Variants in PPM1L observed in about 807,000 individuals in gnomAD.
PPM1L encodes the protein protein phosphatase, Mg2+/Mn2+ dependent 1L.
PPM1L carries 13 observed loss-of-function variants against 31.4 expected under a neutral mutation model. The ratio of observed to expected loss-of-function variants is 0.41; its 90% CI spans 0.27 to 0.66. PPM1L has a LOEUF of 0.66. Ranked by LOEUF, PPM1L falls within the 30% of genes least tolerant of loss-of-function variation. PPM1L has a pLI of 0.29. For missense variants in PPM1L, 326 were observed against 453.7 expected, an observed-to-expected ratio of 0.72 and a Z score of 2.56; for synonymous variants, 184 against 175.4, an observed-to-expected ratio of 1.05 and a Z score of -0.39.
chr3:161,076,072 C>T lies in PPM1L; in HGVS notation c.*6915C>T, dbSNP rs1479796044. The T allele has an allele frequency of 6.6e-6, 1 of 152,140 alleles. No individual in the cohort carries two copies. The highest frequency in any genetic ancestry group is 1.5e-5 in the Non-Finnish European group (1 of 68,032). The allele number at this position is 152,140 out of a possible 1,614,324, so 9.4% of individuals were successfully genotyped here. On this transcript the variant is annotated 3_prime_UTR_variant, in exon 4 of 4. Transcript: ENST00000498165. Reference sequence around the variant, plus strand: ...TTTACGACAGACAATTTCACAAAAACCAACCACAGAGTGATTTGATATTCT... The same window carrying T: ...TTTACGACAGACAATTTCACAAAAATCAACCACAGAGTGATTTGATATTCT...
chr3:161,065,665 TAGAG>T, intron 3 of PPM1L, 101 bp downstream of exon 3: 1 of 1,049,318 alleles, frequency 9.5e-7, no homozygotes, highest in Non-Finnish European at 1.4e-6. Context: ...TATGCAGTAT[TAGAG>T]AGGCTGCTAC....
At chr3:160,870,132 A>C (rs1409846181) in intron 1 of PPM1L, among the ~76,000 whole-genome samples, 1 of 152,092 alleles carries the variant, frequency 6.6e-6, no homozygotes, top group Non-Finnish European at 1.5e-5. Context: ...GTGTGGGGGT[A>C]GGGGAGGAGG....
intron 1 of PPM1L, among the ~76,000 whole-genome samples, chr3:160,945,740 A>G (rs1020280897): frequency 6.6e-6 from 1 of 152,054 alleles, no homozygotes; most frequent in Non-Finnish European, 1.5e-5. Context: ...GCCTCTGTCA[A>G]TCCTAAGACA....
At chr3:160,966,858 C>T (rs1716163299) in intron 2 of PPM1L, among the ~76,000 whole-genome samples, 1 of 42,060 alleles carries the variant, frequency 2.4e-5, no homozygotes, top group South Asian at 4.6e-4. Flanking sequence ...TGTTGAACTT[C>T]ACAATAGTGA....
intron 1 of PPM1L, among the ~76,000 whole-genome samples, chr3:160,911,252 G>T (rs1713962811): frequency 6.6e-6 from 1 of 152,174 alleles, no homozygotes; most frequent in South Asian, 2.1e-4. Flanking sequence ...ATGTGTTCTT[G>T]GTAGAAGTAT....
chr3:160,976,198 C>G (rs1324080150), intron 2 of PPM1L, among the ~76,000 whole-genome samples: 1 of 132,100 alleles, frequency 7.6e-6, no homozygotes, highest in East Asian at 2.5e-4. Context: ...ATATATTGAA[C>G]CAGCCTTGCA....
Position 160,897,514 on chromosome 3 carries a change from A to G in PPM1L, c.400-64222A>G, listed in dbSNP as rs560585401. On this transcript the variant is annotated intron_variant, in intron 1 of 3. Coordinates refer to ENST00000498165, the MANE Select transcript of PPM1L (RefSeq NM_139245.4). ...TTAACCTTAATTCTAACATAAATGA[A>G]TGTGGAATACCGCAAAGAGACCAAA... is the stretch of plus-strand genomic sequence containing the variant. Among the ~76,000 whole-genome samples, 3 of 152,332 alleles carry G rather than the reference A, an allele frequency of 2.0e-5. No individual in the cohort carries two copies. The East Asian group carries it at 5.8e-4, about 29-fold the overall frequency.
Position 160,756,778 on chromosome 3 carries a change from T to TGTGTGA in PPM1L, c.399+76_399+77insAGTGTG. On this transcript the variant is annotated intron_variant, in intron 1 of 3. Coordinates refer to ENST00000498165, the MANE Select transcript of PPM1L (RefSeq NM_139245.4). This position sits in a 1 kb window ranked among gnomAD's most constrained non-coding sequence, Gnocchi z 6.2. ...GTGTGTGTGTGTGTGTGTGTGTGTG[T>TGTGTGA]GTGTGTGTGTGTATAAACAACAGGA... 7.0e-7 allele frequency: 1 copy of TGTGTGA among 1,420,744 alleles called. No individual in the cohort carries two copies. The allele number at this position is 1,420,744 out of a possible 1,614,324, so 88.0% of individuals were successfully genotyped here.
chr3:161,025,010 C>T (rs1465419419), intron 2 of PPM1L, among the ~76,000 whole-genome samples: 6 of 152,178 alleles, frequency 3.9e-5, no homozygotes, highest in Non-Finnish European at 7.3e-5. Flanking sequence ...TTGTTGAAAG[C>T]TTCAGGCTAA....
At chr3:161,046,060 G>A (rs1180113929) in intron 2 of PPM1L, among the ~76,000 whole-genome samples, 2 of 127,126 alleles carry the variant, frequency 1.6e-5, no homozygotes, top group Non-Finnish European at 3.1e-5. Flanking sequence ...GCAGTGAGCC[G>A]AGATCATGCC....
At chr3:160,980,777 GGAGA>G (rs1716770784) in intron 2 of PPM1L, among the ~76,000 whole-genome samples, 1 of 151,446 alleles carries the variant, frequency 6.6e-6, no homozygotes, top group Non-Finnish European at 1.5e-5. Flanking sequence ...GGAAAGAAAA[GGAGA>G]GGGAGGGAGG....
intron 1 of PPM1L, among the ~76,000 whole-genome samples, chr3:160,776,630 G>A (rs1395663926): frequency 6.9e-6 from 1 of 144,600 alleles, no homozygotes; most frequent in Admixed American, 7.0e-5. Context: ...TGGAGACAGA[G>A]TCTCACTCAG....
At chr3:160,837,490 C>T (rs1030508284) in intron 1 of PPM1L, among the ~76,000 whole-genome samples, 12 of 152,298 alleles carry the variant, frequency 7.9e-5, no homozygotes, top group Admixed American at 5.9e-4. Context: ...AAATGACATT[C>T]CATTCTGGGG....
At position 160,930,660 on chromosome 3, in the gene PPM1L, C is replaced by G. The variant is rs577344275; in HGVS notation, c.400-31076C>G. Reference sequence around the variant, plus strand: ...GGCTGAAGCCTCAAAGGAACCATCTCAAAATTTTAGGCGGAGTGAAGGAGT... The same window carrying G: ...GGCTGAAGCCTCAAAGGAACCATCTGAAAATTTTAGGCGGAGTGAAGGAGT... On this transcript the variant is annotated intron_variant, in intron 1 of 3. Transcript: ENST00000498165. Among the ~76,000 whole-genome samples, 5 of 152,260 alleles carry G rather than the reference C, an allele frequency of 3.3e-5. No homozygotes were observed. In the East Asian group the frequency reaches 9.6e-4, roughly 29 times the overall value.
At chr3:160,929,510 G>C (rs1159943892) in intron 1 of PPM1L, among the ~76,000 whole-genome samples, 1 of 152,188 alleles carries the variant, frequency 6.6e-6, no homozygotes, top group African/African-American at 2.4e-5. Flanking sequence ...GAGGGGGCAG[G>C]AAAGTGCTTA....
At chr3:160,819,834 A>G (rs1713140084) in intron 1 of PPM1L, among the ~76,000 whole-genome samples, 1 of 152,058 alleles carries the variant, frequency 6.6e-6, no homozygotes, top group Admixed American at 6.6e-5. Context: ...TTTTAAAAAA[A>G]TAGATCTTAG....
At chr3:160,771,570 T>TTTTTAA (rs1553804597) in intron 1 of PPM1L, among the ~76,000 whole-genome samples, 1 of 139,256 alleles carries the variant, frequency 7.2e-6, no homozygotes, top group African/African-American at 2.8e-5. Flanking sequence ...TTTTTTTTTT[T>TTTTTAA]AAAAAGAGCA....
chr3:160,997,269 TG>T (rs1717352147), intron 2 of PPM1L, among the ~76,000 whole-genome samples: 1 of 152,130 alleles, frequency 6.6e-6, no homozygotes, highest in Non-Finnish European at 1.5e-5. Flanking sequence ...GGACAGTAAA[TG>T]CTTGCAACAA....
chr3:160,915,035 G>A (rs1177087905), intron 1 of PPM1L, among the ~76,000 whole-genome samples: 1 of 152,018 alleles, frequency 6.6e-6, no homozygotes, highest in Non-Finnish European at 1.5e-5. Context: ...TTTATCTGAT[G>A]GCCAGTTGGA....
Sources: allele counts gnomAD v4.1 joint callset (sites outside exome capture counted in the v4.1 genomes callset), GRCh38; gene constraint gnomAD v4.1.1; non-coding constraint Gnocchi (gnomAD v3.1); transcripts MANE v1.5; gene names NCBI Gene and HGNC (gene_info 2026-07-23, HGNC 2026-07-21).